The following LPP variants were observed in gnomAD, a reference collection of about 807,000 sequenced individuals.
LPP encodes the protein lipoma-preferred partner.
A neutral mutation model predicts 60.4 loss-of-function variants in LPP; 38 were observed. The observed-to-expected ratio is 0.63, with a 90% CI of 0.49 to 0.83. The LOEUF is 0.83. Among genes scored for constraint, LPP ranks in the 40% least tolerant of loss-of-function variants. The pLI is 0.00. For missense variants in LPP, 902 were observed against 783.6 expected (o/e 1.15, Z -1.80); for synonymous variants, 328 against 290.8 (o/e 1.13, Z -1.30).
chr3:188,797,197 C>T (rs548621604), intron 9 of LPP, among the ~76,000 whole-genome samples: 2 of 152,144 alleles, frequency 1.3e-5, no homozygotes, highest in East Asian at 3.9e-4. Context: ...CAGCTGGTTA[C>T]TCTAGGCTCT....
At chr3:188,237,118 C>T (rs1722203677) in intron 2 of LPP, among the ~76,000 whole-genome samples, 1 of 152,064 alleles carries the variant, frequency 6.6e-6, no homozygotes, top group African/African-American at 2.4e-5. Context: ...GCATCTTCAC[C>T]AGGGGTAATT....
chr3:188,416,915 G>A (rs768184668), intron 4 of LPP, among the ~76,000 whole-genome samples: 3 of 151,942 alleles, frequency 2.0e-5, no homozygotes, highest in Non-Finnish European at 4.4e-5. Flanking sequence ...ATTCATTATG[G>A]ACATTATAAA....
chr3:188,450,387 G>C (rs1182022117), intron 4 of LPP, among the ~76,000 whole-genome samples: 1 of 152,042 alleles, frequency 6.6e-6, no homozygotes, highest in African/African-American at 2.4e-5. Context: ...CTGTACTATT[G>C]CTCATCAGTT....
chr3:188,843,146 C>T (rs1354908066), intron 9 of LPP, among the ~76,000 whole-genome samples: 7 of 152,112 alleles, frequency 4.6e-5, no homozygotes, highest in Non-Finnish European at 1.0e-4. Flanking sequence ...AAGGGAAAAA[C>T]ATGGGAATAC....
At chr3:188,168,479 T>C (rs1346449078) in intron 1 of LPP, among the ~76,000 whole-genome samples, 1 of 152,196 alleles carries the variant, frequency 6.6e-6, no homozygotes, top group Non-Finnish European at 1.5e-5. Context: ...CACCTGGTTC[T>C]TCAGTTGTAA....
rs1291374938 is a variant in LPP at position 188,782,158 on chromosome 3, T to C, written c.1410+21876T>C. Among the ~76,000 whole-genome samples, 4 of 152,206 alleles carry C rather than the reference T, an allele frequency of 2.6e-5. 1 individual carries two copies. Among genetic ancestry groups the C allele is most frequent in the Admixed American group, 2.6e-4 (4 of 15,292 alleles). ...TTTGCCTTGGATGGAAATAATGTTG[T>C]AATACCAGTTAATACTTTTTTCAAC... On this transcript the variant is annotated intron_variant, in intron 9 of 11. Coordinates refer to ENST00000617246, the MANE Select transcript of LPP (RefSeq NM_001375462.1).
intron 2 of LPP, among the ~76,000 whole-genome samples, chr3:188,248,226 G>A (rs1047931228): frequency 1.3e-5 from 2 of 151,870 alleles, no homozygotes; most frequent in Non-Finnish European, 2.9e-5. Flanking sequence ...AGGCTTACAA[G>A]CCTTGAAGTA....
At chr3:188,380,520 T>C (rs957469165) in intron 3 of LPP, among the ~76,000 whole-genome samples, 1 of 152,194 alleles carries the variant, frequency 6.6e-6, no homozygotes, top group South Asian at 2.1e-4. Context: ...GCCAATCAAA[T>C]GGAAGACAAA....
intron 7 of LPP, among the ~76,000 whole-genome samples, chr3:188,668,902 T>A (rs1856367025): frequency 6.6e-6 from 1 of 152,224 alleles, no homozygotes; most frequent in South Asian, 2.1e-4. Context: ...CTGGAAATCC[T>A]TTTTGGTGAA....
chr3:188,773,335 G>A (rs1399541350), intron 9 of LPP, among the ~76,000 whole-genome samples: 1 of 150,972 alleles, frequency 6.6e-6, no homozygotes, highest in Non-Finnish European at 1.5e-5. Flanking sequence ...AAGGACAAGG[G>A]CCTGGTATTA....
intron 8 of LPP, among the ~76,000 whole-genome samples, chr3:188,752,766 G>A (rs1187424761): frequency 6.6e-6 from 1 of 152,120 alleles, no homozygotes; most frequent in Non-Finnish European, 1.5e-5. Context: ...CCAATACCCC[G>A]GGACAAACTA....
chr3:188,886,740 AC>A lies in LPP; in HGVS notation c.*12262del, dbSNP rs1194076164. On this transcript the variant is annotated 3_prime_UTR_variant, in exon 12 of 12. Transcript: ENST00000617246. Reference sequence around the variant, plus strand: ...TCAAAACACACACACACACACATACACACACACACACACACACACACACACC... The same window carrying A: ...TCAAAACACACACACACACACATACAACACACACACACACACACACACACC... The A allele has an allele frequency of 2.1e-5, 4 of 192,168 alleles. No homozygotes were observed. Among genetic ancestry groups the A allele is most frequent in the Non-Finnish European group, 4.1e-5 (4 of 96,598 alleles). 11.9% of individuals were successfully genotyped at this position (192,168 alleles called of 1,614,324 possible).
intron 2 of LPP, among the ~76,000 whole-genome samples, chr3:188,306,937 G>A (rs1025646862): frequency 6.6e-6 from 1 of 152,194 alleles, no homozygotes; most frequent in East Asian, 1.9e-4. Flanking sequence ...AAAGCACGTT[G>A]TAAGTCCACA....
At chr3:188,238,352 G>A (rs1577460391) in intron 2 of LPP, among the ~76,000 whole-genome samples, 2 of 152,084 alleles carry the variant, frequency 1.3e-5, no homozygotes, top group East Asian at 1.9e-4. Flanking sequence ...CACTGGAATA[G>A]CACTTTTAAT....
intron 2 of LPP, among the ~76,000 whole-genome samples, chr3:188,328,052 A>C (rs751735376): frequency 6.6e-6 from 1 of 152,136 alleles, no homozygotes; most frequent in Non-Finnish European, 1.5e-5. Context: ...TATGAAGAAA[A>C]TCCAGTCTCT....
chr3:188,761,794 A>G (rs1169860991), intron 9 of LPP, among the ~76,000 whole-genome samples: 1 of 152,260 alleles, frequency 6.6e-6, no homozygotes, highest in African/African-American at 2.4e-5. Context: ...TTTAGAATAT[A>G]AGAATATTTC....
intron 6 of LPP, among the ~76,000 whole-genome samples, chr3:188,563,717 T>G (rs539537731): frequency 0.035 from 4,413 of 125,450 alleles, 101 homozygotes; most frequent in African/African-American, 0.066. Flanking sequence ...GAATTGCTTG[T>G]GTTTTTTTTT....
chr3:188,817,249 C>T (rs528605739), intron 9 of LPP, among the ~76,000 whole-genome samples: 19 of 152,244 alleles, frequency 1.2e-4, no homozygotes, highest in South Asian at 4.1e-4. Flanking sequence ...GAATCTGGTG[C>T]GTTTCTTCCT....
intron 5 of LPP, among the ~76,000 whole-genome samples, chr3:188,504,169 C>T (rs1812779698): frequency 6.6e-6 from 1 of 152,108 alleles, no homozygotes; most frequent in Admixed American, 6.5e-5. Flanking sequence ...AATTAATTTA[C>T]TTTGACCTCT....
Sources: gnomAD v4.1 joint callset for allele counts (sites outside exome capture counted in the v4.1 genomes callset) on GRCh38, gnomAD v4.1.1 for gene constraint, MANE v1.5 for transcripts, NCBI Gene and HGNC (gene_info 2026-07-23, HGNC 2026-07-21) for gene names.